Variants in WDR72 observed in about 807,000 individuals in gnomAD.
The protein encoded by WDR72 is WD repeat-containing protein 72.
Under a neutral mutation model 124.2 loss-of-function variants are expected in WDR72, and 120 were observed. That is an observed-to-expected ratio of 0.97 (90% CI 0.83 to 1.12). WDR72 has a LOEUF of 1.12. WDR72 is among the 50% of genes most tolerant of loss of function. The pLI is 0.00. For missense variants in WDR72, 1,387 were observed against 1,278.8 expected (o/e 1.08, Z -1.29); for synonymous variants, 452 against 441.7 (o/e 1.02, Z -0.29).
intron 17 of WDR72, among the ~76,000 whole-genome samples, chr15:53,599,438 C>G (rs1012503818): frequency 1.7e-4 from 26 of 152,034 alleles, no homozygotes; most frequent in Non-Finnish European, 2.5e-4. Flanking sequence ...CAACCTTTGA[C>G]AAGCCACAAA....
intron 9 of WDR72, among the ~76,000 whole-genome samples, chr15:53,708,260 G>T (rs748839963): frequency 2.4e-4 from 37 of 152,178 alleles, no homozygotes; most frequent in Non-Finnish European, 4.9e-4. Context: ...TAACTGCCTG[G>T]ATTTAAATCC....
At chr15:53,762,002 G>C (rs1047522731), upstream of WDR72, among the ~76,000 whole-genome samples, 3 of 151,952 alleles carry the variant, frequency 2.0e-5, no homozygotes, top group Non-Finnish European at 2.9e-5. Flanking sequence ...AGTAAAATGT[G>C]GGGTGGGGAG....
At chr15:53,717,363 T>C (rs535422569) in intron 3 of WDR72, among the ~76,000 whole-genome samples, 2 of 152,268 alleles carry the variant, frequency 1.3e-5, no homozygotes, top group South Asian at 4.1e-4. Context: ...TCTTCAGTCT[T>C]GAGAGTTTTA....
At chr15:53,697,522 C>A (rs1180369424) in intron 13 of WDR72, among the ~76,000 whole-genome samples, 1 of 152,178 alleles carries the variant, frequency 6.6e-6, no homozygotes, top group Non-Finnish European at 1.5e-5. Context: ...ATGTTTTCTC[C>A]TCTTTTTGCT....
At chr15:53,557,241 T>C (rs1427789073) in intron 18 of WDR72, among the ~76,000 whole-genome samples, 1 of 152,090 alleles carries the variant, frequency 6.6e-6, no homozygotes, top group Non-Finnish European at 1.5e-5. Flanking sequence ...GGTTAGGAAG[T>C]TCTTGCCTGT....
chr15:53,759,580 C>A (rs1169645305), intron 1 of WDR72, 53 bp downstream of exon 1: 3 of 152,464 alleles, frequency 2.0e-5, no homozygotes, highest in Non-Finnish European at 4.4e-5. Context: ...AGACGAAGAC[C>A]ACCAGCCTGG....
chr15:53,716,794 T>C (rs1246680040), intron 3 of WDR72, 109 bp from the exon 4 acceptor site: 1 of 788,254 alleles, frequency 1.3e-6, no homozygotes, highest in Non-Finnish European at 2.3e-6. Context: ...TATGTGGCTT[T>C]TTGTTACAGA....
rs376014153 is a variant in WDR72 at position 53,525,197 on chromosome 15, T to G, written c.3149-1875A>C. Among the ~76,000 whole-genome samples, 41 of 152,228 alleles carry G rather than the reference T, an allele frequency of 2.7e-4. 1 individual carries two copies. In the South Asian group the frequency reaches 7.7e-3, roughly 28 times the overall value. On this transcript the variant is annotated intron_variant, in intron 18 of 19. Coordinates refer to ENST00000360509, the MANE Select transcript of WDR72 (RefSeq NM_182758.4). ...TTTTTTGTGAAATGTTTAAGTGGTA[T>G]AGTTAAATGTATCAGTTTCATTCAG...
At chr15:53,560,281 T>C (rs7497252) in intron 18 of WDR72, among the ~76,000 whole-genome samples, 114,408 of 151,720 alleles carry the variant, frequency 0.75, 43,401 homozygotes, top group Middle Eastern at 0.88. Context: ...CCTTACTTCA[T>C]ATTCTGCTAC....
intron 18 of WDR72, among the ~76,000 whole-genome samples, chr15:53,566,770 T>G (rs902577334): frequency 6.6e-6 from 1 of 151,996 alleles, no homozygotes; most frequent in African/African-American, 2.4e-5. Flanking sequence ...TGAACTACTT[T>G]ACAAATAAAT....
At chr15:53,623,067 A>T (rs2014064145) in intron 14 of WDR72, among the ~76,000 whole-genome samples, 1 of 152,180 alleles carries the variant, frequency 6.6e-6, no homozygotes, top group Non-Finnish European at 1.5e-5. Context: ...ATAGTTTGTA[A>T]ATCATTAGTC....
chr15:53,684,554 G>C (rs1049361110), intron 13 of WDR72: 1 of 160,552 alleles, frequency 6.2e-6, no homozygotes, highest in Middle Eastern at 2.7e-3. Context: ...GGCTCGGAGG[G>C]TCCTACGCCC....
intron 19 of WDR72, among the ~76,000 whole-genome samples, chr15:53,519,398 G>C (rs1157578323): frequency 2.0e-5 from 3 of 152,016 alleles, no homozygotes; most frequent in Non-Finnish European, 4.4e-5. Flanking sequence ...AATCTCAAAA[G>C]AGGGAGCTGA....
intron 18 of WDR72, among the ~76,000 whole-genome samples, chr15:53,568,030 G>A (rs969450461): frequency 7.0e-6 from 1 of 143,526 alleles, no homozygotes; most frequent in Non-Finnish European, 1.5e-5. Context: ...GATTATCTAG[G>A]ATGCTCCAAA....
At chr15:53,689,269 T>A (rs1462363452) in intron 13 of WDR72, among the ~76,000 whole-genome samples, 2 of 150,318 alleles carry the variant, frequency 1.3e-5, no homozygotes. Context: ...ACCATCAGAG[T>A]GAGCAGGCAA....
chr15:53,589,271 ATAACACGAATTTCAGTT>A (rs1380139321), intron 18 of WDR72, among the ~76,000 whole-genome samples: 2 of 151,590 alleles, frequency 1.3e-5, no homozygotes, highest in Non-Finnish European at 2.9e-5. Context: ...TGACTCTCAG[ATAACACGAATTTCAGTT>A]TGTATTCACG....
upstream of WDR72, among the ~76,000 whole-genome samples, chr15:53,761,228 A>G (rs895185991): frequency 6.6e-6 from 1 of 152,190 alleles, no homozygotes; most frequent in Non-Finnish European, 1.5e-5. Context: ...GCTCAACATC[A>G]TTGATCATCA....
chr15:53,609,082 G>C (rs1199918465), intron 17 of WDR72, among the ~76,000 whole-genome samples: 1 of 151,960 alleles, frequency 6.6e-6, no homozygotes, highest in Non-Finnish European at 1.5e-5. Flanking sequence ...ATTAGGCATT[G>C]CATGCCTGTA....
chr15:53,760,752 C>T (rs750971291), upstream of WDR72, among the ~76,000 whole-genome samples: 2 of 152,114 alleles, frequency 1.3e-5, no homozygotes, highest in Non-Finnish European at 2.9e-5. Context: ...TTTGAGAAAG[C>T]TCCAAATTAT....
Sources: allele counts gnomAD v4.1 joint callset (sites outside exome capture counted in the v4.1 genomes callset), GRCh38; gene constraint gnomAD v4.1.1; transcripts MANE v1.5; gene names NCBI Gene and HGNC (gene_info 2026-07-23, HGNC 2026-07-21).